The following ZNF362 variants were observed in gnomAD, a reference collection of about 807,000 sequenced individuals.
ZNF362 encodes the protein zinc finger protein 362.
Under a neutral mutation model 42.9 loss-of-function variants are expected in ZNF362, and 11 were observed. The ratio of observed to expected loss-of-function variants is 0.26; its 90% CI spans 0.16 to 0.42. The LOEUF is 0.42. ZNF362 is among the 20% of genes least tolerant of loss of function. ZNF362 has a pLI of 1.00. For missense variants in ZNF362, 362 were observed against 576.2 expected (o/e 0.63, Z 3.81); for synonymous variants, 255 against 257.3 (o/e 0.99, Z 0.09).
chr1:33,136,303 TC>T, the ZNF362 span, among the ~76,000 whole-genome samples: 1 of 139,476 alleles, frequency 7.2e-6, no homozygotes, highest in Non-Finnish European at 1.7e-5. Context: ...TCTTTCTTTT[TC>T]TTTCTTTCTT....
the ZNF362 span, among the ~76,000 whole-genome samples, chr1:33,222,517 A>G: frequency 6.6e-6 from 1 of 152,182 alleles, no homozygotes; most frequent in Admixed American, 6.5e-5. Context: ...CATGAATCAC[A>G]TCATGCCACT....
the ZNF362 span, among the ~76,000 whole-genome samples, chr1:33,141,524 G>A: frequency 6.6e-6 from 1 of 152,190 alleles, no homozygotes; most frequent in African/African-American, 2.4e-5. Context: ...TAGTCTCACA[G>A]TTTTGGGAAG....
At chr1:33,271,686 G>A (rs1324235089) in intron 2 of ZNF362, among the ~76,000 whole-genome samples, 1 of 152,204 alleles carries the variant, frequency 6.6e-6, no homozygotes. Context: ...TGAGGTGAGT[G>A]GGGAGGGAGG....
the ZNF362 span, among the ~76,000 whole-genome samples, chr1:33,214,274 A>G: frequency 6.6e-6 from 1 of 152,202 alleles, no homozygotes; most frequent in Non-Finnish European, 1.5e-5. Flanking sequence ...ATTTGGAGCT[A>G]GGAAAACAGG....
chr1:33,150,102 C>T, the ZNF362 span, among the ~76,000 whole-genome samples: 1 of 152,316 alleles, frequency 6.6e-6, no homozygotes, highest in East Asian at 1.9e-4. Flanking sequence ...GATAACTGGC[C>T]AGAGGAGAAG....
rs546885858 is a variant in ZNF362, at chr1:33,266,369, C to T, written c.-88-4118C>T. Among the ~76,000 whole-genome samples, 37 of 152,304 alleles carry T rather than the reference C, an allele frequency of 2.4e-4. No homozygotes were observed. The highest frequency in any genetic ancestry group is 5.1e-4 in the African/African-American group (21 of 41,554). On this transcript the variant is annotated intron_variant, in intron 1 of 8. Transcript: ENST00000539719. The surrounding 1 kb of genome is among the most constrained non-coding windows in gnomAD (Gnocchi z 4.3). ...ACTTGAGGCCCTACTGCATGGCTGG[C>T]GCTGGGCTCTGGGGCTGCAGCAGTG...
the ZNF362 span, among the ~76,000 whole-genome samples, chr1:33,175,223 A>G: frequency 7.2e-6 from 1 of 138,794 alleles, no homozygotes; most frequent in Non-Finnish European, 1.6e-5. Context: ...TTTTTTTTGT[A>G]TTTTTAGTAG....
chr1:33,206,233 C>T, the ZNF362 span, among the ~76,000 whole-genome samples: 1 of 151,896 alleles, frequency 6.6e-6, no homozygotes, highest in Non-Finnish European at 1.5e-5. Context: ...CTACCATGCA[C>T]CTGTTGATTT....
At chr1:33,136,858 G>A in the ZNF362 span, among the ~76,000 whole-genome samples, 1 of 151,870 alleles carries the variant, frequency 6.6e-6, no homozygotes, top group Non-Finnish European at 1.5e-5. Flanking sequence ...TTAGCTGGGC[G>A]TGGTGGTGCG....
chr1:33,296,095 A>G (rs1050740040), intron 8 of ZNF362, among the ~76,000 whole-genome samples: 35 of 152,352 alleles, frequency 2.3e-4, no homozygotes, highest in African/African-American at 7.9e-4. Context: ...GGAGACAAGT[A>G]TTAAACAAGT....
At chr1:33,193,023 A>ATATATATATATG in the ZNF362 span, among the ~76,000 whole-genome samples, 3 of 146,964 alleles carry the variant, frequency 2.0e-5, no homozygotes, top group East Asian at 4.0e-4. Flanking sequence ...ATATATATAT[A>ATATATATATATG]CGCATATATA....
Position 33,299,148 on chromosome 1 carries a change from C to T in ZNF362, c.*102C>T. On this transcript the variant is annotated 3_prime_UTR_variant, in exon 9 of 9. Coordinates refer to ENST00000539719, the MANE Select transcript of ZNF362 (RefSeq NM_152493.3). ...GGGGCCCTCCAGGAACCACCAAGCT[C>T]TCTCACGACCTTCCCAATCTTCCAG... is the stretch of plus-strand genomic sequence containing the variant. 1 of 835,838 alleles carries T rather than the reference C, an allele frequency of 1.2e-6. No individual in the cohort carries two copies. The highest frequency in any genetic ancestry group is 1.5e-5 in the South Asian group (1 of 66,942). The allele number at this position is 835,838 out of a possible 1,614,324, so 51.8% of individuals were successfully genotyped here. A position where few individuals can be genotyped will look rare whatever the true frequency, so the allele number is the denominator to read the frequency against.
intron 6 of ZNF362, among the ~76,000 whole-genome samples, chr1:33,291,538 G>A (rs1646078156): frequency 1.3e-5 from 2 of 152,176 alleles, no homozygotes. Context: ...GGATTGACTT[G>A]GCAATGCAGG....
chr1:33,213,046 G>A, the ZNF362 span, among the ~76,000 whole-genome samples: 1 of 152,194 alleles, frequency 6.6e-6, no homozygotes, highest in African/African-American at 2.4e-5. Flanking sequence ...AATTTTATAT[G>A]TGCAATAGCA....
chr1:33,204,715 A>G, the ZNF362 span, among the ~76,000 whole-genome samples: 3 of 152,182 alleles, frequency 2.0e-5, no homozygotes, highest in East Asian at 5.8e-4. Flanking sequence ...TTCCTCTAAG[A>G]TCAGAATCAA....
At chr1:33,174,998 C>CATATTTAT in the ZNF362 span, among the ~76,000 whole-genome samples, 3 of 40,706 alleles carry the variant, frequency 7.4e-5, no homozygotes, top group African/African-American at 1.1e-4. Flanking sequence ...TGCACACACA[C>CATATTTAT]ATGTATGTAT....
At chr1:33,202,072 A>G in the ZNF362 span, among the ~76,000 whole-genome samples, 1 of 152,262 alleles carries the variant, frequency 6.6e-6, no homozygotes, top group African/African-American at 2.4e-5. Context: ...CTCAAGAAGA[A>G]ATAAATAACC....
At chr1:33,182,094 C>G in the ZNF362 span, 1 of 152,118 alleles carries the variant, frequency 6.6e-6, no homozygotes, top group Non-Finnish European at 1.5e-5. Context: ...TCCCCGCCCC[C>G]GTGGGCGGGA....
rs561137057 is a variant in ZNF362, at chr1:33,262,597, G to T, written c.-89+5943G>T. Among the ~76,000 whole-genome samples, 436 of 152,184 alleles carry T rather than the reference G, an allele frequency of 2.9e-3. 1 individual carries two copies. The highest frequency in any genetic ancestry group is 9.7e-3 in the African/African-American group (404 of 41,544). ...GCTGGGATTACAGGCGTGAGCCACC[G>T]CACCTGGCCGGCTTTAGGATTCTTG... On this transcript the variant is annotated intron_variant, in intron 1 of 8. Coordinates refer to ENST00000539719, the MANE Select transcript of ZNF362 (RefSeq NM_152493.3).
Sources: allele counts gnomAD v4.1 joint callset (sites outside exome capture counted in the v4.1 genomes callset), GRCh38; gene constraint gnomAD v4.1.1; non-coding constraint Gnocchi (gnomAD v3.1); transcripts MANE v1.5; gene names NCBI Gene and HGNC (gene_info 2026-07-23, HGNC 2026-07-21).